POLDIP3: variants seen among roughly 807,000 people sequenced by gnomAD.
POLDIP3 encodes the protein DNA polymerase delta interacting protein 3.
Under a neutral mutation model 45.1 loss-of-function variants are expected in POLDIP3, and 14 were observed. The observed-to-expected ratio is 0.31, with a 90% CI of 0.20 to 0.49. The LOEUF (loss-of-function observed/expected upper bound fraction) is 0.49. Ranked by LOEUF, POLDIP3 falls within the 20% of genes least tolerant of loss-of-function variation. The pLI, the probability that POLDIP3 is intolerant of heterozygous loss-of-function variation, is 0.99. For missense variants in POLDIP3, 511 were observed against 538.8 expected (o/e 0.95, Z 0.51); for synonymous variants, 223 against 205.2 (o/e 1.09, Z -0.74).
chr22:42,614,873 A>G lies in POLDIP3; in HGVS notation c.-16T>C. On this transcript the variant is annotated 5_prime_UTR_variant, in exon 1 of 9. Transcript: ENST00000252115. ...TGTCCGCCATCTTGCTCCGCCGAGC[A>G]AGCCGAAAGCAGTCGAGACCCCGCG... 2 of 1,613,810 alleles carry G rather than the reference A, an allele frequency of 1.2e-6. No individual in the cohort carries two copies. Among genetic ancestry groups the G allele is most frequent in the Non-Finnish European group, 1.7e-6 (2 of 1,179,912 alleles).
At chr22:42,598,398 A>C (rs1180008120) in intron 4 of POLDIP3, among the ~76,000 whole-genome samples, 4 of 151,262 alleles carry the variant, frequency 2.6e-5, no homozygotes, top group Non-Finnish European at 4.4e-5. Flanking sequence ...CTACAGGCGC[A>C]CACCACCACG....
chr22:42,611,984 TA>T (rs1927147469), intron 1 of POLDIP3, among the ~76,000 whole-genome samples: 2 of 152,264 alleles, frequency 1.3e-5, no homozygotes, highest in Non-Finnish European at 2.9e-5. Context: ...CCACTGGATC[TA>T]GTTTTTCTTT....
At chr22:42,591,322 C>T (rs1363714491) in intron 7 of POLDIP3, among the ~76,000 whole-genome samples, 1 of 152,058 alleles carries the variant, frequency 6.6e-6, no homozygotes, top group Non-Finnish European at 1.5e-5. Flanking sequence ...GGGAGTTCAC[C>T]CAGGTGCCAA....
intron 6 of POLDIP3, among the ~76,000 whole-genome samples, chr22:42,593,711 G>A (rs1925812134): frequency 6.6e-6 from 1 of 152,144 alleles, no homozygotes; most frequent in African/African-American, 2.4e-5. Flanking sequence ...TAGAGACAGG[G>A]TTTTGCCATG....
At chr22:42,614,333 G>C (rs1007535376) in intron 1 of POLDIP3, among the ~76,000 whole-genome samples, 4 of 152,250 alleles carry the variant, frequency 2.6e-5, no homozygotes, top group Non-Finnish European at 5.9e-5. Flanking sequence ...CCGCGTGCAG[G>C]GGGATTTGGG....
intron 2 of POLDIP3, 97 bp from the exon 3 acceptor site, chr22:42,602,153 C>T: frequency 6.3e-7 from 1 of 1,581,020 alleles, no homozygotes; most frequent in Non-Finnish European, 8.6e-7. Flanking sequence ...GGGCATGCAG[C>T]TTTGGTCTTT....
intron 6 of POLDIP3, among the ~76,000 whole-genome samples, chr22:42,594,193 G>T (rs769440743): frequency 4.6e-5 from 7 of 151,614 alleles, no homozygotes; most frequent in African/African-American, 1.5e-4. Context: ...CCCAGGAGGC[G>T]GAAGTTGCAG....
chr22:42,597,604 G>C (rs1485007529), intron 4 of POLDIP3: 2 of 423,196 alleles, frequency 4.7e-6, no homozygotes, highest in East Asian at 7.3e-5. Context: ...CATCTCACAG[G>C]GTACAAGACG....
chr22:42,604,374 C>T (rs1926592709), intron 1 of POLDIP3, among the ~76,000 whole-genome samples: 1 of 152,166 alleles, frequency 6.6e-6, no homozygotes, highest in African/African-American at 2.4e-5. Flanking sequence ...TCAGAAACTC[C>T]TGTGGAGCTT....
At chr22:42,614,305 G>A (rs912476205) in intron 1 of POLDIP3, among the ~76,000 whole-genome samples, 6 of 152,256 alleles carry the variant, frequency 3.9e-5, no homozygotes, top group African/African-American at 1.4e-4. Context: ...CACAAAGAGA[G>A]GCGAGTGTTA....
At chr22:42,611,885 TAAAG>T (rs993620423) in intron 1 of POLDIP3, among the ~76,000 whole-genome samples, 4 of 151,972 alleles carry the variant, frequency 2.6e-5, no homozygotes, top group Admixed American at 1.3e-4. Flanking sequence ...TCAAAAAAAA[TAAAG>T]AAATAAAATA....
intron 3 of POLDIP3, among the ~76,000 whole-genome samples, chr22:42,601,586 C>A (rs1384649196): frequency 1.3e-5 from 2 of 151,822 alleles, no homozygotes; most frequent in Non-Finnish European, 2.9e-5. Flanking sequence ...CATGGTGAAA[C>A]CCCATCTCTA....
chr22:42,607,184 G>A (rs1926787428), intron 1 of POLDIP3, among the ~76,000 whole-genome samples: 3 of 152,040 alleles, frequency 2.0e-5, no homozygotes, highest in Admixed American at 1.3e-4. Context: ...CTGTACTGCC[G>A]CCATCTCGGC....
At chr22:42,586,566 C>G (rs137091) in intron 8 of POLDIP3, among the ~76,000 whole-genome samples, 21,870 of 152,106 alleles carry the variant, frequency 0.14, 1,839 homozygotes, top group African/African-American at 0.21. Flanking sequence ...ATTACACAAT[C>G]TGAGAAGCCC....
At chr22:42,589,443 T>C (rs933399239) in intron 7 of POLDIP3, among the ~76,000 whole-genome samples, 21 of 152,092 alleles carry the variant, frequency 1.4e-4, no homozygotes, top group Non-Finnish European at 2.2e-4. Flanking sequence ...CAATCAAACA[T>C]ATATGCAAGT....
Position 42,585,868 on chromosome 22 carries a change from T to C in POLDIP3, c.1189A>G (p.Thr397Ala). 1.2e-6 allele frequency: 2 copies of C among 1,613,230 alleles called. No homozygotes were observed. The highest frequency in any genetic ancestry group is 1.7e-6 in the Non-Finnish European group (2 of 1,179,972). The stretch of plus-strand genomic sequence containing the variant: ...GACTTGAAGAGTGCCTTCAGGATGG[T>C]GTCAGGGTCCACTTCGGCAGGGGGG... ...SNPPAEVDPD[T>A]ILKALFKSSG... The change falls in exon 9 of 9, where the codon ACC (threonine) becomes GCC (alanine). Residue 397 changes from threonine (T) to alanine (A), a missense_variant. Thr to Ala is a moderately conservative substitution (Grantham distance 58, BLOSUM62 0). Transcript: ENST00000252115.
rs1456708380 is a variant in POLDIP3 at position 42,602,905 on chromosome 22, G to A, written c.315C>T (p.Thr105=). The A allele has an allele frequency of 6.2e-7, 1 of 1,614,078 alleles. No homozygotes were observed. Among genetic ancestry groups the A allele is most frequent in the Admixed American group, 1.7e-5 (1 of 60,018 alleles). ...REMLNSRKQQ[T]TVPQKPRQVA... Reference sequence around the variant, plus strand: ...CCTGGCGGGGCTTCTGGGGCACCGTGGTCTGCTGCTTGCGAGAGTTCAACA... The same window carrying A: ...CCTGGCGGGGCTTCTGGGGCACCGTAGTCTGCTGCTTGCGAGAGTTCAACA... Residue 105 remains threonine (T), a synonymous_variant, in exon 2 of 9, where the codon ACC becomes ACT. Coordinates refer to ENST00000252115, the MANE Select transcript of POLDIP3 (RefSeq NM_032311.5).
At chr22:42,611,787 G>T (rs988006106) in intron 1 of POLDIP3, among the ~76,000 whole-genome samples, 1 of 152,032 alleles carries the variant, frequency 6.6e-6, no homozygotes, top group African/African-American at 2.4e-5. Context: ...TGAGGCAGGA[G>T]AATCGCTTGA....
intron 1 of POLDIP3, 110 bp downstream of exon 1, chr22:42,614,689 G>A: frequency 4.0e-6 from 5 of 1,235,450 alleles, no homozygotes; most frequent in South Asian, 3.7e-5. Context: ...GGCTGTGGTC[G>A]GGGGCGGGCG....
Sources: gnomAD v4.1 joint callset for allele counts (sites outside exome capture counted in the v4.1 genomes callset) on GRCh38, gnomAD v4.1.1 for gene constraint, MANE v1.5 for transcripts, NCBI Gene and HGNC (gene_info 2026-07-23, HGNC 2026-07-21) for gene names.